Variants in GET4 observed in about 807,000 individuals in gnomAD.
GET4 encodes Golgi to ER traffic protein 4 homolog.
GET4 carries 20 observed loss-of-function variants against 40.0 expected under a neutral mutation model. The ratio of observed to expected loss-of-function variants is 0.50; its 90% confidence interval spans 0.35 to 0.73. GET4 has a LOEUF of 0.73. Among genes scored for constraint, GET4 ranks in the 30% least tolerant of loss-of-function variants. The pLI is 0.01. For synonymous variants in GET4, 280 were observed against 194.6 expected (o/e 1.44, Z -3.65); for missense variants, 557 against 454.0 (o/e 1.23, Z -2.06).
At chr7:886,477 T>A (rs1844190771) in intron 2 of GET4, 92 bp from the exon 3 acceptor site, 1 of 923,010 alleles carries the variant, frequency 1.1e-6, no homozygotes, top group African/African-American at 1.6e-5. Flanking sequence ...CCGGCCGCAC[T>A]CTGGCTTCTG....
At chr7:886,731 G>C in intron 3 of GET4, 81 bp downstream of exon 3, 2 of 932,136 alleles carry the variant, frequency 2.1e-6, no homozygotes, top group Non-Finnish European at 3.5e-6. Flanking sequence ...GCTGTGTTTC[G>C]TGTCTGCGTT....
intron 1 of GET4, chr7:884,523 C>A (rs1844150435): frequency 2.5e-6 from 1 of 401,752 alleles, no homozygotes; most frequent in Admixed American, 3.7e-5. Context: ...CCTCCTGGTG[C>A]CCTGCCTCTG....
chr7:889,156 G>A (rs745581657), intron 4 of GET4, among the ~76,000 whole-genome samples: 57 of 152,270 alleles, frequency 3.7e-4, no homozygotes, highest in Non-Finnish European at 5.4e-4. Context: ...GGAGGGCTGC[G>A]CTCGGCGCAT....
Position 876,615 on chromosome 7 carries a change from C to T in GET4, c.-31C>T. 3.4e-6 allele frequency: 4 copies of T among 1,172,656 alleles called. No homozygotes were observed. The highest frequency in any genetic ancestry group is 4.1e-5 in the South Asian group (1 of 24,188). 72.6% of individuals were successfully genotyped at this position (1,172,656 alleles called of 1,614,324 possible). Reference sequence around the variant, plus strand: ...GAGGCGCTGCCGACCGCGCCTGCGACAGCGTCAGCCCTGCGCGGAGCGCCG... The same window carrying T: ...GAGGCGCTGCCGACCGCGCCTGCGATAGCGTCAGCCCTGCGCGGAGCGCCG... On this transcript the variant is annotated 5_prime_UTR_variant, in exon 1 of 9. Coordinates refer to ENST00000265857, the MANE Select transcript of GET4 (RefSeq NM_015949.3).
At chr7:877,374 T>C (rs531222029) in intron 1 of GET4, among the ~76,000 whole-genome samples, 55 of 83,842 alleles carry the variant, frequency 6.6e-4, no homozygotes, top group African/African-American at 2.4e-3. Flanking sequence ...GCCCCTCGTC[T>C]CTTTCTTCCA....
intron 6 of GET4, among the ~76,000 whole-genome samples, chr7:893,502 CATG>C (rs1844388288): frequency 2.3e-5 from 2 of 87,514 alleles, no homozygotes; most frequent in African/African-American, 7.8e-5. Flanking sequence ...TGGGTGCGGG[CATG>C]GTGGTTGCAG....
chr7:883,551 C>T, intron 1 of GET4: 1 of 985,170 alleles, frequency 1.0e-6, no homozygotes, highest in Non-Finnish European at 1.2e-6. Context: ...GATGTTTTGG[C>T]CGGCAGAGAG....
intron 1 of GET4, chr7:879,899 C>T (rs900326888): frequency 2.0e-5 from 3 of 152,228 alleles, no homozygotes; most frequent in African/African-American, 4.8e-5. Context: ...CTTCAGGGAT[C>T]AAGGCAAAGG....
intron 4 of GET4, among the ~76,000 whole-genome samples, chr7:889,438 T>C (rs1354845562): frequency 6.6e-6 from 1 of 151,982 alleles, no homozygotes; most frequent in Non-Finnish European, 1.5e-5. Context: ...AGGTAAAGGT[T>C]TGGGAGTGGA....
At chr7:889,410 G>A (rs1274175835) in intron 4 of GET4, among the ~76,000 whole-genome samples, 1 of 152,252 alleles carries the variant, frequency 6.6e-6, no homozygotes, top group Non-Finnish European at 1.5e-5. Flanking sequence ...TCCCTCCTGG[G>A]GATGAAATCA....
intron 8 of GET4, among the ~76,000 whole-genome samples, chr7:895,005 T>A (rs139768877): frequency 1.3e-5 from 2 of 151,698 alleles, no homozygotes; most frequent in Non-Finnish European, 3.0e-5. Flanking sequence ...GTTGGTTCTG[T>A]AGGTCCCTCC....
At chr7:879,671 A>G (rs1478431455) in intron 1 of GET4, 1 of 152,272 alleles carries the variant, frequency 6.6e-6, no homozygotes, top group African/African-American at 2.4e-5. Context: ...GTTGTGTTGT[A>G]GATGCTTTTC....
In GET4 at chr7:892,409, C is replaced by T. The variant is rs773953296; in HGVS notation, c.737C>T (p.Ala246Val). ...LLNFIWFLLL[A>V]VDGGKLTVFT... ...AACTTCATCTGGTTCCTGCTGCTGG[C>T]TGTGGACGGGTGCGTCTTGGGATCC... Residue 246 changes from alanine (A) to valine (V), a missense_variant, in exon 6 of 9, where the codon GCT becomes GTT. Ala to Val is a moderately conservative substitution (Grantham distance 64). Coordinates refer to ENST00000265857, the MANE Select transcript of GET4 (RefSeq NM_015949.3). 1 of 1,588,102 alleles carries T rather than the reference C, an allele frequency of 6.3e-7. No homozygotes were observed. Among genetic ancestry groups the T allele is most frequent in the Non-Finnish European group, 8.6e-7 (1 of 1,159,104 alleles).
At chr7:890,644 CACA>C (rs1844300009) in intron 4 of GET4, among the ~76,000 whole-genome samples, 1 of 152,120 alleles carries the variant, frequency 6.6e-6, no homozygotes, top group African/African-American at 2.4e-5. Context: ...AATTGGTTAT[CACA>C]ACGAACATTA....
At chr7:893,379 G>A (rs1382025643) in intron 6 of GET4, among the ~76,000 whole-genome samples, 1 of 118,846 alleles carries the variant, frequency 8.4e-6, no homozygotes. Flanking sequence ...GGCGTGGTGT[G>A]TGCAGGTGAG....
At chr7:884,179 TGTG>T (rs758051639) in intron 1 of GET4, 188 of 1,297,726 alleles carry the variant, frequency 1.4e-4, no homozygotes, top group Admixed American at 5.3e-4. Context: ...CAGAAGCTGG[TGTG>T]GTGCTTGCTC....
Position 895,357 on chromosome 7 carries a change from G to T in GET4, c.919G>T (p.Gly307Cys), listed in dbSNP as rs1353209574. 1 of 1,589,362 alleles carries T rather than the reference G, an allele frequency of 6.3e-7. No homozygotes were observed. The highest frequency in any genetic ancestry group is 8.6e-7 in the Non-Finnish European group (1 of 1,159,784). ...LLGNLLTSLM[G>C]SSEQEDGEES... ...AGGGAACCTTCTGACCAGCCTCATGGGCTCCTCAGAGCAGGAGGATGGGGA... is the reference window on the plus strand; with the variant it reads ...AGGGAACCTTCTGACCAGCCTCATGTGCTCCTCAGAGCAGGAGGATGGGGA... The change falls in exon 9 of 9, where the codon GGC becomes TGC. Residue 307 changes from glycine (G) to cysteine (C), a missense_variant. Gly to Cys is a radical substitution (Grantham distance 159). Transcript: ENST00000265857.
At chr7:893,499 G>A (rs1288318486) in intron 6 of GET4, among the ~76,000 whole-genome samples, 21 of 103,800 alleles carry the variant, frequency 2.0e-4, no homozygotes, top group Admixed American at 4.6e-4. Context: ...TGTTGGGTGC[G>A]GGCATGGTGG....
In GET4 at chr7:893,760, CTG is replaced by C. The variant is rs751127066; in HGVS notation, c.770_771del (p.Val257AlafsTer3). The C allele has an allele frequency of 6.2e-7, 1 of 1,608,990 alleles. No homozygotes were observed. Among genetic ancestry groups the C allele is most frequent in the Non-Finnish European group, 8.5e-7 (1 of 1,176,574 alleles). ...CCCAGTGGGAAGCTGACGGTGTTCA[CTG>C]TGCTGTGTGAGCAGTACCAGCCATC... On this transcript the variant is annotated frameshift_variant, in exon 7 of 9. Transcript: ENST00000265857. LOFTEE classifies it high-confidence loss of function.
Sources: allele counts gnomAD v4.1 joint callset (sites outside exome capture counted in the v4.1 genomes callset), GRCh38; gene constraint gnomAD v4.1.1; transcripts MANE v1.5; gene names NCBI Gene and HGNC (gene_info 2026-07-23, HGNC 2026-07-21).